MGAT4C: variants seen among roughly 807,000 people sequenced by gnomAD.
MGAT4C encodes the protein MGAT4 family member C.
A neutral mutation model predicts 40.1 loss-of-function variants in MGAT4C; 19 were observed. The ratio of observed to expected loss-of-function variants is 0.47; its 90% CI spans 0.33 to 0.70. The LOEUF (loss-of-function observed/expected upper bound fraction) is 0.70, where lower values mean the gene tolerates loss of function less well. Ranked by LOEUF, MGAT4C falls within the 30% of genes least tolerant of loss-of-function variation. The pLI, the probability that MGAT4C is intolerant of heterozygous loss-of-function variation, is 0.02. For synonymous variants in MGAT4C, 181 were observed against 187.1 expected, an observed-to-expected ratio of 0.97 and a Z score of 0.27; for missense variants, 491 against 563.2, an observed-to-expected ratio of 0.87 and a Z score of 1.30.
intron 2 of MGAT4C, among the ~76,000 whole-genome samples, chr12:86,683,970 T>C (rs1174055661): frequency 6.6e-6 from 1 of 152,184 alleles, no homozygotes; most frequent in Non-Finnish European, 1.5e-5. Flanking sequence ...GATTCCCCTT[T>C]CTTTCTCATA....
chr12:86,595,968 C>G (rs1265941060), intron 2 of MGAT4C, among the ~76,000 whole-genome samples: 1 of 152,092 alleles, frequency 6.6e-6, no homozygotes, highest in Non-Finnish European at 1.5e-5. Context: ...TCTTCCCACC[C>G]CGTCCCCCCT....
At chr12:86,655,829 T>G (rs775849661) in intron 2 of MGAT4C, among the ~76,000 whole-genome samples, 1 of 152,092 alleles carries the variant, frequency 6.6e-6, no homozygotes, top group African/African-American at 2.4e-5. Flanking sequence ...TGTCCCCTGT[T>G]ATTACTGGTA....
intron 2 of MGAT4C, among the ~76,000 whole-genome samples, chr12:86,706,029 T>A (rs1950449908): frequency 6.6e-6 from 1 of 152,130 alleles, no homozygotes; most frequent in Non-Finnish European, 1.5e-5. Context: ...GTTGTAATGA[T>A]CCTACAACAA....
rs117005997 is a variant in MGAT4C at position 86,728,491 on chromosome 12, G to A, written c.-261-1250C>T. On this transcript the variant is annotated intron_variant, in intron 1 of 7. Transcript: ENST00000548651. ...GAATTACCGGAGGTCAGCGGTTTGA[G>A]ACCAGCCTGGCCAAGATGGTGAAAC... Among the ~76,000 whole-genome samples the A allele has an allele frequency of 2.6e-4, 39 of 152,316 alleles. No homozygotes were observed. In the East Asian group the frequency reaches 7.1e-3, roughly 28 times the overall value.
At chr12:86,671,746 G>A (rs1964261621) in intron 2 of MGAT4C, among the ~76,000 whole-genome samples, 1 of 151,982 alleles carries the variant, frequency 6.6e-6, no homozygotes, top group Non-Finnish European at 1.5e-5. Context: ...CTCAGCGAGA[G>A]GATGTGACAA....
At chr12:86,240,039 TAAAA>T (rs1475732713) in intron 1 of MGAT4C, among the ~76,000 whole-genome samples, 5 of 35,574 alleles carry the variant, frequency 1.4e-4, no homozygotes, top group Admixed American at 1.1e-3. Context: ...AAAAAAAAAA[TAAAA>T]AATAAAATAA....
At chr12:86,671,583 A>G (rs982501187) in intron 2 of MGAT4C, among the ~76,000 whole-genome samples, 1 of 152,236 alleles carries the variant, frequency 6.6e-6, no homozygotes, top group African/African-American at 2.4e-5. Context: ...AGATACCCAT[A>G]GACTGAAAAC....
intron 3 of MGAT4C, among the ~76,000 whole-genome samples, chr12:86,343,748 G>A (rs921308095): frequency 3.3e-5 from 5 of 152,162 alleles, no homozygotes; most frequent in East Asian, 3.9e-4. Context: ...CTTATCTATC[G>A]ATCTTCCCCA....
intron 2 of MGAT4C, among the ~76,000 whole-genome samples, chr12:86,525,563 G>A (rs112458560): frequency 1.3e-5 from 2 of 152,264 alleles, no homozygotes; most frequent in East Asian, 1.9e-4. Context: ...TCTCATCTTC[G>A]AGGGCTTATG....
At chr12:86,049,245 G>A (rs182640082) in intron 2 of MGAT4C, among the ~76,000 whole-genome samples, 1 of 152,004 alleles carries the variant, frequency 6.6e-6, no homozygotes. Flanking sequence ...AGATTCTAAT[G>A]TTCTTGTATT....
At chr12:86,684,886 G>GT (rs139051073) in intron 2 of MGAT4C, among the ~76,000 whole-genome samples, 4,733 of 150,872 alleles carry the variant, frequency 0.031, 119 homozygotes, top group African/African-American at 0.074. Flanking sequence ...TGGGTTTTTT[G>GT]TTTTTTTCTG....
At chr12:86,247,139 C>A (rs952383170) in intron 1 of MGAT4C, among the ~76,000 whole-genome samples, 31 of 152,190 alleles carry the variant, frequency 2.0e-4, no homozygotes, top group African/African-American at 7.5e-4. Context: ...ACTCAAAATG[C>A]ACAATCTGTT....
intron 1 of MGAT4C, among the ~76,000 whole-genome samples, chr12:86,168,775 A>G (rs1019989713): frequency 8.5e-5 from 13 of 152,162 alleles, no homozygotes; most frequent in African/African-American, 2.7e-4. Context: ...GTGAGAATTT[A>G]GTAAATACAG....
At chr12:85,992,371 A>G (rs1449630475) in intron 2 of MGAT4C, among the ~76,000 whole-genome samples, 1 of 152,154 alleles carries the variant, frequency 6.6e-6, no homozygotes, top group Non-Finnish European at 1.5e-5. Flanking sequence ...AACTAAGGGT[A>G]TCTGGCCAAG....
chr12:86,390,540 A>C (rs1565726604), intron 3 of MGAT4C, among the ~76,000 whole-genome samples: 2 of 152,176 alleles, frequency 1.3e-5, no homozygotes, highest in Non-Finnish European at 2.9e-5. Context: ...TGTACTTATC[A>C]ATTCACTTTG....
intron 1 of MGAT4C, among the ~76,000 whole-genome samples, chr12:86,745,795 G>C (rs1437544717): frequency 6.6e-6 from 1 of 151,592 alleles, no homozygotes. Flanking sequence ...ATTTGTGTCA[G>C]AATCAAGATA....
rs751908017 is a variant in MGAT4C at position 86,129,544 on chromosome 12, CTTTTTTTTTTTTTTT to C, written c.-56-79836_-56-79822del. Among the ~76,000 whole-genome samples, 2 of 15,066 alleles carry C rather than the reference CTTTTTTTTTTTTTTT, an allele frequency of 1.3e-4. 1 individual carries two copies. Among genetic ancestry groups the C allele is most frequent in the Admixed American group, 2.1e-3 (2 of 972 alleles). The allele number at this position is 15,066 out of a possible 152,430, so 9.9% of individuals were successfully genotyped here. ...ACAACTGAGTTTTTGCTTACACAAT[CTTTTTTTTTTTTTTT>C]TTTTTTTTTTTTTTTTTTGAGACGG... On this transcript the variant is annotated intron_variant, in intron 1 of 4. Coordinates refer to ENST00000611864, the MANE Select transcript of MGAT4C (RefSeq NM_001351288.2).
At chr12:86,710,606 A>G (rs1950539737) in intron 2 of MGAT4C, among the ~76,000 whole-genome samples, 1 of 152,132 alleles carries the variant, frequency 6.6e-6, no homozygotes, top group East Asian at 1.9e-4. Context: ...AACTAATACA[A>G]CCACTAGGGA....
intron 2 of MGAT4C, among the ~76,000 whole-genome samples, chr12:86,663,708 A>C (rs528013659): frequency 1.3e-5 from 2 of 152,204 alleles, no homozygotes; most frequent in Admixed American, 6.5e-5. Flanking sequence ...TTCAAAAAAT[A>C]CTACCTAATA....
Sources: allele counts gnomAD v4.1 joint callset (sites outside exome capture counted in the v4.1 genomes callset), GRCh38; gene constraint gnomAD v4.1.1; transcripts MANE v1.5; gene names NCBI Gene and HGNC (gene_info 2026-07-23, HGNC 2026-07-21).